SMARCAL1: variants seen among roughly 807,000 people sequenced by gnomAD.
SMARCAL1 encodes the protein ATP-driven annealing helicase.
A neutral mutation model predicts 94.5 loss-of-function variants in SMARCAL1; 58 were observed. The observed-to-expected ratio is 0.61, with a 90% CI of 0.50 to 0.76. SMARCAL1 has a LOEUF of 0.76. SMARCAL1 is among the 30% of genes least tolerant of loss of function. The pLI is 0.00. For missense variants in SMARCAL1, 1,051 were observed against 1,177.9 expected, an observed-to-expected ratio of 0.89 and a Z score of 1.58; for synonymous variants, 422 against 455.1, an observed-to-expected ratio of 0.93 and a Z score of 0.93.
chr2:216,482,609 T>C lies in SMARCAL1; in HGVS notation c.2626-129T>C. ...CTGAGATGATGCACACTTGCCATCG[T>C]GTAGCTCCCTGACACCATGAAATGT... On this transcript the variant is annotated intron_variant, in intron 17 of 17. Coordinates refer to ENST00000357276, the MANE Select transcript of SMARCAL1 (RefSeq NM_014140.4). The surrounding 1 kb of genome is among the most constrained non-coding windows in gnomAD (Gnocchi z 4.3). The C allele has an allele frequency of 7.5e-7, 1 of 1,326,976 alleles. No homozygotes were observed. The highest frequency in any genetic ancestry group is 1.4e-5 in the African/African-American group (1 of 69,168). 82.2% of individuals were successfully genotyped at this position (1,326,976 alleles called of 1,614,324 possible). A position where few individuals can be genotyped will look rare whatever the true frequency, so the allele number is the denominator to read the frequency against.
Position 216,428,701 on chromosome 2 carries a change from CA to C in SMARCAL1, c.1254del (p.Asp419MetfsTer18). 1 of 1,614,176 alleles carries C rather than the reference CA, an allele frequency of 6.2e-7. No individual in the cohort carries two copies. Among genetic ancestry groups the C allele is most frequent in the Non-Finnish European group, 8.5e-7 (1 of 1,180,012 alleles). ...QLKKTSLSLT[P>X]DVPEADLSEV... is the part of the protein sequence containing the mutation. ...AAGAAGACATCTCTCAGTCTCACGC[CA>C]GATGTCCCAGAGGCAGACCTTTCTG... On this transcript the variant is annotated frameshift_variant, in exon 7 of 18. Coordinates refer to ENST00000357276, the MANE Select transcript of SMARCAL1 (RefSeq NM_014140.4). LOFTEE classifies it high-confidence loss of function.
At chr2:216,422,871 C>T (rs1693754723) in intron 5 of SMARCAL1, among the ~76,000 whole-genome samples, 1 of 152,198 alleles carries the variant, frequency 6.6e-6, no homozygotes, top group Non-Finnish European at 1.5e-5. Context: ...GAAAGATGCT[C>T]ACCTTTCTTA....
intron 6 of SMARCAL1, 104 bp from the exon 7 acceptor site, chr2:216,428,492 G>A (rs1270955977): frequency 1.6e-5 from 18 of 1,120,848 alleles, no homozygotes; most frequent in Admixed American, 1.4e-4. Context: ...AGGGACCTAG[G>A]ACCAGCATCA....
At chr2:216,429,041 G>A (rs994632965) in intron 7 of SMARCAL1, among the ~76,000 whole-genome samples, 4 of 152,240 alleles carry the variant, frequency 2.6e-5, no homozygotes, top group African/African-American at 9.6e-5. Context: ...TAAGGAAAGA[G>A]ATTTCTCAGT....
chr2:216,420,838 C>A (rs908675623), intron 5 of SMARCAL1, among the ~76,000 whole-genome samples: 2 of 152,108 alleles, frequency 1.3e-5, no homozygotes, highest in Non-Finnish European at 2.9e-5. Flanking sequence ...TTATTTTGGC[C>A]TTTGCAGAGC....
At chr2:216,436,573 G>A (rs1328086110) in intron 9 of SMARCAL1, among the ~76,000 whole-genome samples, 3 of 152,236 alleles carry the variant, frequency 2.0e-5, no homozygotes, top group Admixed American at 2.0e-4. Context: ...TGATAGTTTT[G>A]CAAAGTGATA....
At chr2:216,463,223 C>A (rs569602107) in intron 12 of SMARCAL1, among the ~76,000 whole-genome samples, 38 of 152,162 alleles carry the variant, frequency 2.5e-4, no homozygotes, top group Non-Finnish European at 4.6e-4. Flanking sequence ...GGGGGTGCAC[C>A]TGTACTATGC....
At chr2:216,444,792 C>T (rs1049238123) in intron 10 of SMARCAL1, among the ~76,000 whole-genome samples, 1 of 152,184 alleles carries the variant, frequency 6.6e-6, no homozygotes, top group Admixed American at 6.5e-5. Flanking sequence ...GCTGAGATTG[C>T]AGGCGTGAGC....
Position 216,435,412 on chromosome 2 carries a change from A to G in SMARCAL1, c.1560A>G (p.Thr520=). The G allele has an allele frequency of 6.2e-7, 1 of 1,614,194 alleles. No homozygotes were observed. Among genetic ancestry groups the G allele is most frequent in the South Asian group, 1.1e-5 (1 of 91,084 alleles). ...TGGTGACTGGGAAGGACCGCCTGACAGCTGGCCTGATCAACATTGTCAGCT... is the reference window on the plus strand; with the variant it reads ...TGGTGACTGGGAAGGACCGCCTGACGGCTGGCCTGATCAACATTGTCAGCT... The part of the protein sequence containing the change: ...NVVVTGKDRL[T]AGLINIVSFD... Residue 520 remains threonine, a synonymous_variant, in exon 9 of 18, where the codon ACA becomes ACG. Transcript: ENST00000357276.
intron 10 of SMARCAL1, among the ~76,000 whole-genome samples, chr2:216,446,159 G>T (rs532953805): frequency 2.0e-5 from 3 of 152,190 alleles, no homozygotes; most frequent in Admixed American, 6.5e-5. Flanking sequence ...ATAATAGGAG[G>T]TGGGATCTTT....
chr2:216,470,713 T>C (rs921596308), intron 14 of SMARCAL1, among the ~76,000 whole-genome samples: 9 of 151,846 alleles, frequency 5.9e-5, no homozygotes, highest in Admixed American at 5.9e-4. Flanking sequence ...TGTCTAGAAC[T>C]GGGCTCAAGC....
At chr2:216,461,076 G>GTA in intron 12 of SMARCAL1, among the ~76,000 whole-genome samples, 1 of 151,648 alleles carries the variant, frequency 6.6e-6, no homozygotes, top group Non-Finnish European at 1.5e-5. Flanking sequence ...GTGTGTGTGT[G>GTA]TGTGTGTGTG....
rs150256071 is a variant in SMARCAL1 at position 216,418,727 on chromosome 2, G to A, written c.863-1572G>A. 3.9e-4 allele frequency among the ~76,000 whole-genome samples: 59 copies of A among 152,054 alleles called. 1 individual carries two copies. In the East Asian group the frequency reaches 0.011, roughly 28 times the overall value. On this transcript the variant is annotated intron_variant, in intron 4 of 17. Coordinates refer to ENST00000357276, the MANE Select transcript of SMARCAL1 (RefSeq NM_014140.4). The stretch of plus-strand genomic sequence containing the variant: ...TCATTCCCTCCAGCCTTTTTTCTAT[G>A]CGTTAAAATATAAAGTTTTATATAT...
At chr2:216,439,670 T>C (rs1385592906) in intron 10 of SMARCAL1, among the ~76,000 whole-genome samples, 1 of 152,210 alleles carries the variant, frequency 6.6e-6, no homozygotes, top group East Asian at 1.9e-4. Flanking sequence ...GTCCACTCAT[T>C]TCAAGTTTTC....
Position 216,463,549 on chromosome 2 carries a change from G to A in SMARCAL1, c.2071-1048G>A, listed in dbSNP as rs575111794. On this transcript the variant is annotated intron_variant, in intron 12 of 17. Coordinates refer to ENST00000357276, the MANE Select transcript of SMARCAL1 (RefSeq NM_014140.4). ...GACACTCTTACCAATGATGGTAAGA[G>A]TATGATCTCTGGGAGGCCAGAGCGA... is the stretch of plus-strand genomic sequence containing the variant. 3.9e-5 allele frequency among the ~76,000 whole-genome samples: 6 copies of A among 152,276 alleles called. No individual in the cohort carries two copies. In the East Asian group the frequency reaches 1.2e-3, roughly 29 times the overall value.
At chr2:216,463,948 G>A (rs557356526) in intron 12 of SMARCAL1, among the ~76,000 whole-genome samples, 5 of 152,256 alleles carry the variant, frequency 3.3e-5, no homozygotes, top group East Asian at 1.9e-4. Context: ...AGGCTGAGAC[G>A]GGAGAATCGC....
At chr2:216,427,245 C>T (rs1407674594) in intron 6 of SMARCAL1, 6 of 152,226 alleles carry the variant, frequency 3.9e-5, no homozygotes, top group Non-Finnish European at 8.8e-5. Context: ...ACAGTAGAGA[C>T]AGTCGTTGTC....
chr2:216,470,408 G>C (rs1378301378), intron 14 of SMARCAL1, among the ~76,000 whole-genome samples: 1 of 151,914 alleles, frequency 6.6e-6, no homozygotes, highest in East Asian at 1.9e-4. Flanking sequence ...ACCTGCTTCA[G>C]CCTCTCAAAA....
intron 12 of SMARCAL1, among the ~76,000 whole-genome samples, chr2:216,455,613 A>G (rs547788281): frequency 6.6e-6 from 1 of 152,320 alleles, no homozygotes; most frequent in African/African-American, 2.4e-5. Context: ...CCTCCAGCAA[A>G]CTCCAACAGA....
Sources: allele counts gnomAD v4.1 joint callset (sites outside exome capture counted in the v4.1 genomes callset), GRCh38; gene constraint gnomAD v4.1.1; non-coding constraint Gnocchi (gnomAD v3.1); transcripts MANE v1.5; gene names NCBI Gene and HGNC (gene_info 2026-07-23, HGNC 2026-07-21).